Variants in WWTR1 observed in about 807,000 individuals in gnomAD.
WWTR1 encodes the protein WW domain containing transcription regulator 1.
In WWTR1, 13 loss-of-function variants were observed where a neutral mutation model predicts 40.1. That is an observed-to-expected ratio of 0.32 (90% CI 0.21 to 0.52). The LOEUF (loss-of-function observed/expected upper bound fraction) is 0.52. WWTR1 is among the 20% of genes least tolerant of loss of function. The probability of loss-of-function intolerance (pLI) is 0.97; values close to 1 mark genes in which losing one functional copy is unlikely to be tolerated. For missense variants in WWTR1, 436 were observed against 523.1 expected (o/e 0.83, Z 1.63); for synonymous variants, 230 against 210.1 (o/e 1.09, Z -0.82).
At chr3:149,619,062 T>C (rs1436229225) in intron 2 of WWTR1, among the ~76,000 whole-genome samples, 2 of 152,166 alleles carry the variant, frequency 1.3e-5, no homozygotes, top group Non-Finnish European at 2.9e-5. Context: ...ACAGAAACAA[T>C]GGCAGAGAGG....
At chr3:149,521,153 T>C (rs80322360) in intron 6 of WWTR1, among the ~76,000 whole-genome samples, 164 bp from the exon 7 acceptor site, 1 of 152,314 alleles carries the variant, frequency 6.6e-6, no homozygotes, top group African/African-American at 2.4e-5. Context: ...GAAAATTATT[T>C]CTGGATAGGT....
chr3:149,546,406 G>A (rs924487571), intron 3 of WWTR1, among the ~76,000 whole-genome samples: 1 of 152,234 alleles, frequency 6.6e-6, no homozygotes, highest in African/African-American at 2.4e-5. Flanking sequence ...TCTGTATGAT[G>A]ATTCCAATGT....
At chr3:149,638,253 G>A (rs574102383) in intron 2 of WWTR1, among the ~76,000 whole-genome samples, 7 of 152,150 alleles carry the variant, frequency 4.6e-5, no homozygotes, top group African/African-American at 1.7e-4. Context: ...GGCATGCAGT[G>A]GCCGTGAGCA....
chr3:149,571,257 A>AT (rs1220394448), intron 3 of WWTR1, among the ~76,000 whole-genome samples: 1 of 96,048 alleles, frequency 1.0e-5, no homozygotes, highest in Non-Finnish European at 2.1e-5. Flanking sequence ...TTCATGAAAG[A>AT]TTTTTTTCCG....
At chr3:149,684,950 C>T (rs78148186) in intron 1 of WWTR1, among the ~76,000 whole-genome samples, 3,235 of 152,216 alleles carry the variant, frequency 0.021, 66 homozygotes, top group South Asian at 0.092. Flanking sequence ...ACATTTTCCA[C>T]TGATGGTCCC....
rs151209565 is a variant in WWTR1 at position 149,523,251 on chromosome 3, CTT to C, written c.1019-2264_1019-2263del. Among the ~76,000 whole-genome samples, 1,001 of 143,886 alleles carry C rather than the reference CTT, an allele frequency of 7.0e-3. 12 individuals carry two copies. The highest frequency in any genetic ancestry group is 0.023 in the African/African-American group (893 of 39,606). 94.4% of individuals were successfully genotyped at this position (143,886 alleles called of 152,430 possible). On this transcript the variant is annotated intron_variant, in intron 6 of 6. Transcript: ENST00000360632. ...TGGAAGAGACAAACACAAGGCAATT[CTT>C]TTTTTTTTTTTTGAGATGGAGTTTC...
chr3:149,615,572 C>T (rs1312048456), intron 2 of WWTR1, among the ~76,000 whole-genome samples: 5 of 152,110 alleles, frequency 3.3e-5, no homozygotes, highest in Admixed American at 6.6e-5. Context: ...TATATTGCTC[C>T]AATTACGAAT....
chr3:149,709,615 A>T (rs568290760), intron 5 of WWTR1, among the ~76,000 whole-genome samples: 48 of 152,096 alleles, frequency 3.2e-4, no homozygotes, highest in African/African-American at 1.1e-3. Flanking sequence ...TCAAAGAACT[A>T]AGGACTCGGC....
chr3:149,548,518 A>G (rs1736472743), intron 3 of WWTR1, among the ~76,000 whole-genome samples: 1 of 152,246 alleles, frequency 6.6e-6, no homozygotes, highest in Non-Finnish European at 1.5e-5. Flanking sequence ...CCAAGTGAAG[A>G]AAACAAAACC....
At chr3:149,698,463 A>G (rs557901152) in intron 1 of WWTR1, among the ~76,000 whole-genome samples, 138 of 152,282 alleles carry the variant, frequency 9.1e-4, no homozygotes, top group Non-Finnish European at 1.6e-3. Context: ...TTCCTTTATA[A>G]ATTACCCATT....
intron 2 of WWTR1, among the ~76,000 whole-genome samples, chr3:149,627,754 G>A (rs1576607272): frequency 6.6e-6 from 1 of 152,112 alleles, no homozygotes; most frequent in African/African-American, 2.4e-5. Flanking sequence ...GAAAGTTGAC[G>A]CTTTCTAAAA....
Position 149,517,396 on chromosome 3 carries a change from G to A in WWTR1, c.*3409C>T, listed in dbSNP as rs1734835462. On this transcript the variant is annotated 3_prime_UTR_variant, in exon 7 of 7. Coordinates refer to ENST00000360632, the MANE Select transcript of WWTR1 (RefSeq NM_015472.6). ...AGAAATTTTTATATTACAAAACGTA[G>A]AAGTAAAATTTTAAAAAGTTAAAGT... The A allele has an allele frequency of 6.6e-6, 1 of 152,274 alleles. No homozygotes were observed. The highest frequency in any genetic ancestry group is 2.4e-5 in the African/African-American group (1 of 41,556). 9.4% of individuals were successfully genotyped at this position (152,274 alleles called of 1,614,324 possible). A position where few individuals can be genotyped will look rare whatever the true frequency, so the allele number is the denominator to read the frequency against.
At chr3:149,702,080 C>T (rs1476170232) in intron 1 of WWTR1, 1 of 161,392 alleles carries the variant, frequency 6.2e-6, no homozygotes, top group Non-Finnish European at 1.3e-5. Flanking sequence ...AAAAAAAAGA[C>T]AGCCCAGGCA....
At chr3:149,622,539 A>AAGAAAGAG (rs1740356738) in intron 2 of WWTR1, among the ~76,000 whole-genome samples, 1 of 151,142 alleles carries the variant, frequency 6.6e-6, no homozygotes, top group African/African-American at 2.4e-5. Context: ...GAAAGAAAGA[A>AAGAAAGAG]AGAAAAAGAA....
chr3:149,674,056 C>CAAAA (rs71138404), intron 1 of WWTR1, among the ~76,000 whole-genome samples: 92 of 121,866 alleles, frequency 7.5e-4, no homozygotes, highest in African/African-American at 2.7e-3. Flanking sequence ...CTCGTCTCTA[C>CAAAA]AAAAAAAAAA....
At chr3:149,553,205 C>T (rs901449425) in intron 3 of WWTR1, among the ~76,000 whole-genome samples, 16 of 152,286 alleles carry the variant, frequency 1.1e-4, no homozygotes, top group East Asian at 1.9e-4. Flanking sequence ...AAACCCGGAA[C>T]GCCTGCTAGA....
intron 3 of WWTR1, among the ~76,000 whole-genome samples, chr3:149,549,907 C>T (rs1736539683): frequency 6.6e-6 from 1 of 151,990 alleles, no homozygotes; most frequent in Admixed American, 6.6e-5. Context: ...GTATGGGACT[C>T]TGGAACAGAA....
At chr3:149,628,021 C>T (rs2108101007) in intron 2 of WWTR1, among the ~76,000 whole-genome samples, 1 of 143,480 alleles carries the variant, frequency 7.0e-6, no homozygotes, top group East Asian at 2.1e-4. Context: ...TGCGGTGAGC[C>T]GAGATGGCGC....
intron 1 of WWTR1, chr3:149,702,146 T>C (rs1215286534): frequency 1.3e-5 from 2 of 157,192 alleles, no homozygotes; most frequent in East Asian, 1.6e-4. Context: ...TGTGTACCTG[T>C]GATGAAAGGT....
Sources: allele counts gnomAD v4.1 joint callset (sites outside exome capture counted in the v4.1 genomes callset), GRCh38; gene constraint gnomAD v4.1.1; transcripts MANE v1.5; gene names NCBI Gene and HGNC (gene_info 2026-07-23, HGNC 2026-07-21).